Variants in NCKAP5 observed in about 807,000 individuals in gnomAD.
NCKAP5 encodes the protein nck-associated protein 5.
A neutral mutation model predicts 167.0 loss-of-function variants in NCKAP5; 92 were observed. That is an observed-to-expected ratio of 0.55 (90% CI 0.47 to 0.66). NCKAP5 has a LOEUF of 0.66. Among genes scored for constraint, NCKAP5 ranks in the 30% least tolerant of loss-of-function variants. The pLI is 0.00. For missense variants in NCKAP5, 2,378 were observed against 2,315.0 expected, an observed-to-expected ratio of 1.03 and a Z score of -0.56; for synonymous variants, 891 against 877.4, an observed-to-expected ratio of 1.02 and a Z score of -0.27.
chr2:133,172,647 T>TG (rs2084296946), intron 5 of NCKAP5, among the ~76,000 whole-genome samples: 1 of 151,898 alleles, frequency 6.6e-6, no homozygotes, highest in Non-Finnish European at 1.5e-5. Context: ...ATCGTTTTTT[T>TG]TTTGTTGTTG....
intron 3 of NCKAP5, among the ~76,000 whole-genome samples, chr2:133,504,698 C>G (rs1682844606): frequency 6.6e-6 from 1 of 152,170 alleles, no homozygotes; most frequent in South Asian, 2.1e-4. Context: ...AGCCAGATAG[C>G]CAGTTTTCCC....
intron 3 of NCKAP5, among the ~76,000 whole-genome samples, chr2:133,344,407 CA>C (rs376699332): frequency 0.098 from 8,887 of 90,234 alleles, 260 homozygotes; most frequent in Non-Finnish European, 0.097. Flanking sequence ...AACTTTGTCT[CA>C]AAAAAAAAAA....
chr2:133,273,801 A>G (rs989539539), intron 4 of NCKAP5, among the ~76,000 whole-genome samples: 2 of 139,442 alleles, frequency 1.4e-5, no homozygotes, highest in African/African-American at 2.6e-5. Context: ...AATTTCCAAA[A>G]AAAAATTTGG....
chr2:133,290,093 T>C (rs907794999), intron 4 of NCKAP5, among the ~76,000 whole-genome samples: 5 of 152,234 alleles, frequency 3.3e-5, no homozygotes, highest in Admixed American at 2.0e-4. Context: ...ATAAGCTCCA[T>C]TCTGCATTCA....
At chr2:132,873,318 TC>T (rs1326484126) in intron 9 of NCKAP5, among the ~76,000 whole-genome samples, 1 of 152,156 alleles carries the variant, frequency 6.6e-6, no homozygotes, top group Non-Finnish European at 1.5e-5. Context: ...TTTCACCATA[TC>T]AGCCAGGATG....
At chr2:133,002,197 C>T (rs748366126) in intron 6 of NCKAP5, among the ~76,000 whole-genome samples, 14 of 152,154 alleles carry the variant, frequency 9.2e-5, no homozygotes, top group Non-Finnish European at 1.8e-4. Flanking sequence ...CACAGTGATA[C>T]AGTAGTCTTC....
chr2:133,053,442 A>C (rs759996797), intron 6 of NCKAP5, among the ~76,000 whole-genome samples: 1 of 152,180 alleles, frequency 6.6e-6, no homozygotes, highest in African/African-American at 2.4e-5. Flanking sequence ...GAACTATCCT[A>C]ATCACAACTC....
intron 3 of NCKAP5, among the ~76,000 whole-genome samples, chr2:133,353,393 T>C (rs1223331568): frequency 1.3e-5 from 2 of 152,158 alleles, no homozygotes; most frequent in Non-Finnish European, 2.9e-5. Context: ...CTCAGTCCTC[T>C]ATAAAAGTTG....
chr2:133,030,860 C>T (rs34596591), intron 6 of NCKAP5, among the ~76,000 whole-genome samples: 1 of 152,104 alleles, frequency 6.6e-6, no homozygotes, highest in African/African-American at 2.4e-5. Context: ...GAACCTATCC[C>T]TTGTCTCCTG....
In NCKAP5 at chr2:133,540,504, T is replaced by C. The variant is rs539971944; in HGVS notation, c.-62+18546A>G. Among the ~76,000 whole-genome samples the C allele has an allele frequency of 2.0e-5, 3 of 152,012 alleles. No homozygotes were observed. The East Asian group carries it at 5.8e-4, about 30-fold the overall frequency. ...TTACTAAAAACACACGTTTTTACCT[T>C]CCCCAGACACTCACTAAAATAATGA... is the stretch of plus-strand genomic sequence containing the variant. On this transcript the variant is annotated intron_variant, in intron 2 of 19. Transcript: ENST00000409261.
chr2:132,685,756 G>A (rs1457484394), intron 19 of NCKAP5, among the ~76,000 whole-genome samples: 1 of 152,152 alleles, frequency 6.6e-6, no homozygotes, highest in Non-Finnish European at 1.5e-5. Flanking sequence ...AGAGTAGGTA[G>A]AGAGCTGCAG....
chr2:132,959,041 A>G (rs1052273106), intron 8 of NCKAP5, among the ~76,000 whole-genome samples: 8 of 147,404 alleles, frequency 5.4e-5, no homozygotes, highest in African/African-American at 1.7e-4. Context: ...CTATTATTAA[A>G]TATTATATTA....
chr2:132,991,579 A>G (rs78430222), intron 7 of NCKAP5, among the ~76,000 whole-genome samples: 2,078 of 152,312 alleles, frequency 0.014, 54 homozygotes, highest in African/African-American at 0.047. Context: ...TAATGCATGC[A>G]AAGCAATTAG....
intron 5 of NCKAP5, among the ~76,000 whole-genome samples, 183 bp downstream of exon 5, chr2:133,213,533 C>G (rs1018720149): frequency 6.6e-6 from 1 of 151,978 alleles, no homozygotes; most frequent in Non-Finnish European, 1.5e-5. Flanking sequence ...CAATTAATAT[C>G]TCTCACTCTG....
At chr2:133,155,453 C>T (rs1574210050) in intron 5 of NCKAP5, among the ~76,000 whole-genome samples, 1 of 152,052 alleles carries the variant, frequency 6.6e-6, no homozygotes, top group Non-Finnish European at 1.5e-5. Flanking sequence ...TTTGAGAACC[C>T]CTGCCACAGC....
chr2:133,485,510 T>C (rs986847682), intron 3 of NCKAP5, among the ~76,000 whole-genome samples: 18 of 152,278 alleles, frequency 1.2e-4, no homozygotes, highest in Middle Eastern at 3.4e-3. Flanking sequence ...CTCCAAACTT[T>C]AGAGTCTAAA....
chr2:132,831,701 A>G (rs1211426498), intron 11 of NCKAP5, among the ~76,000 whole-genome samples: 1 of 151,922 alleles, frequency 6.6e-6, no homozygotes, highest in Non-Finnish European at 1.5e-5. Flanking sequence ...CTTTTGCAAT[A>G]GGGTTTTTGT....
chr2:133,351,672 CCCCCA>C (rs1250708724), intron 3 of NCKAP5, among the ~76,000 whole-genome samples: 2 of 152,116 alleles, frequency 1.3e-5, no homozygotes, highest in Non-Finnish European at 2.9e-5. Context: ...CTCACCTGTG[CCCCCA>C]CCCCAGGACT....
chr2:132,885,386 A>G (rs967066516), intron 8 of NCKAP5, among the ~76,000 whole-genome samples: 1 of 152,210 alleles, frequency 6.6e-6, no homozygotes, highest in Non-Finnish European at 1.5e-5. Flanking sequence ...GTATGTTATT[A>G]AAGTCAATAT....
Sources: gnomAD v4.1 joint callset for allele counts (sites outside exome capture counted in the v4.1 genomes callset) on GRCh38, gnomAD v4.1.1 for gene constraint, MANE v1.5 for transcripts, NCBI Gene and HGNC (gene_info 2026-07-23, HGNC 2026-07-21) for gene names.